The following CFAP46 variants were observed in gnomAD, a reference collection of about 807,000 sequenced individuals.
The protein encoded by CFAP46 is cilia- and flagella-associated protein 46.
In CFAP46, 245 loss-of-function variants were observed where a neutral mutation model predicts 325.7. The observed-to-expected ratio is 0.75, with a 90% CI of 0.68 to 0.84. The LOEUF is 0.84. Among genes scored for constraint, CFAP46 ranks in the 40% least tolerant of loss-of-function variants. The probability of loss-of-function intolerance (pLI) is 0.00; values close to 1 mark genes in which losing one functional copy is unlikely to be tolerated. For synonymous variants in CFAP46, 1,523 were observed against 1,495.9 expected (o/e 1.02, Z -0.42); for missense variants, 3,346 against 3,543.0 (o/e 0.94, Z 1.41).
chr10:132,927,406 C>T (rs1849828557), intron 9 of CFAP46, among the ~76,000 whole-genome samples: 1 of 152,074 alleles, frequency 6.6e-6, no homozygotes, highest in Non-Finnish European at 1.5e-5. Context: ...CAGACGCCTC[C>T]GTCCCGGGGA....
intron 31 of CFAP46, among the ~76,000 whole-genome samples, chr10:132,875,778 A>G (rs534422195): frequency 2.0e-5 from 3 of 152,354 alleles, no homozygotes; most frequent in Non-Finnish European, 4.4e-5. Context: ...GAAAAATACT[A>G]TAACAGAATA....
At chr10:132,839,806 G>A (rs563109882) in intron 44 of CFAP46, among the ~76,000 whole-genome samples, 4 of 152,282 alleles carry the variant, frequency 2.6e-5, no homozygotes, top group African/African-American at 9.6e-5. Context: ...CAATGATATC[G>A]AATGATTTTT....
Position 132,859,235 on chromosome 10 carries a change from C to A in CFAP46, c.5211G>T (p.Leu1737=). The change falls in exon 38 of 58, where the codon CTG becomes CTT. Residue 1737 remains leucine, a synonymous_variant. Coordinates refer to ENST00000368586, the MANE Select transcript of CFAP46 (RefSeq NM_001200049.3). ...ITDLEARCLS[L]RVRVAQHSAV... ...CTGAGTGCTGCGCAACTCTGACCCG[C>A]AGGCTCAGGCACCTGACGGAGGGAC... 1 of 1,548,584 alleles carries A rather than the reference C, an allele frequency of 6.5e-7. No homozygotes were observed.
chr10:132,848,996 T>G (rs2135123150), intron 41 of CFAP46, among the ~76,000 whole-genome samples: 1 of 152,318 alleles, frequency 6.6e-6, no homozygotes, highest in South Asian at 2.1e-4. Context: ...TGATTTAAGC[T>G]TTGATTTCAA....
chr10:132,910,165 T>C (rs1849519836), intron 19 of CFAP46, 97 bp from the exon 20 acceptor site: 1 of 1,211,438 alleles, frequency 8.3e-7, no homozygotes, highest in Non-Finnish European at 1.1e-6. Flanking sequence ...AGCCCGCTCC[T>C]GATCCAGCCC....
rs67123080 is a variant in CFAP46, at chr10:132,899,672, G to A, written c.2925-6C>T. ...CCACCAGCCGGGACTCCTCGCTGCA[G>A]GAACAGGGCCAGTGAGGAGGGAGGC... On this transcript the variant is annotated splice_region_variant and splice_polypyrimidine_tract_variant and intron_variant, in intron 22 of 57. Transcript: ENST00000368586. 0.092 allele frequency: 141,763 copies of A among 1,547,224 alleles called. 7,167 individuals are homozygous for A. The highest frequency in any genetic ancestry group is 0.1 in the Non-Finnish European group (117,108 of 1,145,172).
intron 16 of CFAP46, 126 bp downstream of exon 16, chr10:132,918,267 A>G (rs1396280475): frequency 8.2e-4 from 103 of 126,194 alleles, no homozygotes; most frequent in Non-Finnish European, 1.0e-3. Flanking sequence ...GCACCGATGA[A>G]CCCCCCTCTC....
chr10:132,862,417 A>G, intron 35 of CFAP46, among the ~76,000 whole-genome samples: 1 of 75,862 alleles, frequency 1.3e-5, no homozygotes, highest in South Asian at 4.8e-4. Flanking sequence ...GAGCGCCCAG[A>G]AGGCAGGGAG....
chr10:132,856,240 T>C (rs143890051), intron 39 of CFAP46, among the ~76,000 whole-genome samples: 88 of 152,380 alleles, frequency 5.8e-4, no homozygotes, highest in African/African-American at 2.1e-3. Context: ...CTCTGGCTGA[T>C]GCTAAGATGC....
chr10:132,816,049 T>A (rs1351866844), intron 50 of CFAP46, among the ~76,000 whole-genome samples: 1 of 152,200 alleles, frequency 6.6e-6, no homozygotes, highest in Non-Finnish European at 1.5e-5. Context: ...CCTTTTTTAT[T>A]GGTTATGAGA....
intron 27 of CFAP46, among the ~76,000 whole-genome samples, chr10:132,881,354 C>A (rs1305516573): frequency 6.6e-6 from 1 of 152,138 alleles, no homozygotes; most frequent in Non-Finnish European, 1.5e-5. Flanking sequence ...CAAGAGGACA[C>A]AGGACAGGGG....
At chr10:132,908,063 C>A (rs1169944072) in intron 22 of CFAP46, among the ~76,000 whole-genome samples, 2 of 152,254 alleles carry the variant, frequency 1.3e-5, no homozygotes, top group Non-Finnish European at 2.9e-5. Flanking sequence ...GGCCACACAC[C>A]CCTCCTGCTG....
chr10:132,879,719 GT>G, intron 28 of CFAP46, 88 bp from the exon 29 acceptor site: 2 of 1,338,946 alleles, frequency 1.5e-6, no homozygotes, highest in Non-Finnish European at 2.0e-6. Flanking sequence ...CGAGGCTGTG[GT>G]GGACTGCCCG....
At position 132,936,960 on chromosome 10, in the gene CFAP46, C is replaced by T. The variant is rs1358664271; in HGVS notation, c.755+1G>A. 11 of 1,515,274 alleles carry T rather than the reference C, an allele frequency of 7.3e-6. No homozygotes were observed. Among genetic ancestry groups the T allele is most frequent in the Middle Eastern group, 1.7e-4 (1 of 5,746 alleles). 93.9% of individuals were successfully genotyped at this position (1,515,274 alleles called of 1,614,324 possible). A position where few individuals can be genotyped will look rare whatever the true frequency, so the allele number is the denominator to read the frequency against. On this transcript the variant is annotated splice_donor_variant, in intron 7 of 57. Coordinates refer to ENST00000368586, the MANE Select transcript of CFAP46 (RefSeq NM_001200049.3). LOFTEE classifies it high-confidence loss of function. ...TTGCTCTCCCTCCCAAAACGACTTA[C>T]GCCTTTAGCATATTAATATAGAAAG...
At chr10:132,860,276 C>T (rs2135223561) in intron 37 of CFAP46, 141 bp downstream of exon 37, 1 of 624,288 alleles carries the variant, frequency 1.6e-6, no homozygotes. Flanking sequence ...TCTGGAGCTG[C>T]ACGGAAAGCT....
Position 132,919,323 on chromosome 10 carries a change from A to G in CFAP46, c.1850T>C (p.Leu617Pro). 1 of 1,549,818 alleles carries G rather than the reference A, an allele frequency of 6.5e-7. No individual in the cohort carries two copies. The highest frequency in any genetic ancestry group is 8.7e-7 in the Non-Finnish European group (1 of 1,146,668). Residue 617 changes from leucine (L) to proline (P), a missense_variant, in exon 15 of 58, where the codon CTG becomes CCG. Leu to Pro is a moderately conservative substitution (Grantham distance 98, BLOSUM62 -3). Transcript: ENST00000368586. This position sits in a 1 kb window ranked among gnomAD's most constrained non-coding sequence, Gnocchi z 9.7. Reference protein sequence around the residue: ...YDNVKVKKLRLRRGKKKRGRD... With the variant: ...YDNVKVKKLRPRRGKKKRGRD... ...TGAGGGCGGGTACGAACCTCGCCGC[A>G]GCCTCAACTTCTTCACCTTGACGTT...
intron 7 of CFAP46, among the ~76,000 whole-genome samples, chr10:132,935,112 G>A (rs1849971898): frequency 1.3e-5 from 2 of 152,104 alleles, no homozygotes; most frequent in East Asian, 1.9e-4. Context: ...CCCCTCGCCA[G>A]AGTCAGCACC....
chr10:132,929,622 T>C, intron 9 of CFAP46, 83 bp downstream of exon 9: 1 of 1,326,554 alleles, frequency 7.5e-7, no homozygotes, highest in Non-Finnish European at 1.1e-6. Flanking sequence ...CCTGGTGAAC[T>C]GCTCTTCCTT....
intron 47 of CFAP46, among the ~76,000 whole-genome samples, chr10:132,835,027 G>C (rs191143218): frequency 6.6e-6 from 1 of 152,110 alleles, no homozygotes; most frequent in Non-Finnish European, 1.5e-5. Flanking sequence ...GGACAGCCGG[G>C]CCCAGGTGAC....
Sources: gnomAD v4.1 joint callset for allele counts (sites outside exome capture counted in the v4.1 genomes callset) on GRCh38, gnomAD v4.1.1 for gene constraint, Gnocchi (gnomAD v3.1) non-coding constraint, MANE v1.5 for transcripts, NCBI Gene and HGNC (gene_info 2026-07-23, HGNC 2026-07-21) for gene names.